RFC5: variants seen among roughly 807,000 people sequenced by gnomAD.
The protein encoded by RFC5 is replication factor C subunit 5, also known as A1 36 kDa subunit.
Under a neutral mutation model 44.3 loss-of-function variants are expected in RFC5, and 26 were observed. The ratio of observed to expected loss-of-function variants is 0.59; its 90% CI spans 0.43 to 0.81. The LOEUF (loss-of-function observed/expected upper bound fraction) is 0.81. RFC5 is among the 40% of genes least tolerant of loss of function. RFC5 has a pLI of 0.00. For missense variants in RFC5, 328 were observed against 418.6 expected (o/e 0.78, Z 1.89); for synonymous variants, 155 against 155.2 (o/e 1.00, Z 0.01).
chr12:118,034,205 C>T (rs769717186), downstream of RFC5: 13 of 1,614,170 alleles, frequency 8.1e-6, no homozygotes, highest in Non-Finnish European at 1.1e-5. Context: ...CTTAAAAAGT[C>T]CTGTATGTGA....
At chr12:118,027,118 G>A in intron 8 of RFC5, 100 bp downstream of exon 8, 2 of 1,231,678 alleles carry the variant, frequency 1.6e-6, no homozygotes, top group Non-Finnish European at 2.3e-6. Context: ...AGGATGACTG[G>A]CTGCAGGCGA....
intron 5 of RFC5, 140 bp downstream of exon 5, chr12:118,022,499 C>G (rs2030583370): frequency 9.8e-6 from 6 of 614,182 alleles, no homozygotes; most frequent in Non-Finnish European, 1.7e-5. Context: ...GAGTCTTGCT[C>G]TGTCACCCAG....
At chr12:118,030,769 G>A (rs2031262837) in intron 10 of RFC5, among the ~76,000 whole-genome samples, 1 of 152,162 alleles carries the variant, frequency 6.6e-6, no homozygotes, top group South Asian at 2.1e-4. Context: ...CTCCTGAGGA[G>A]CTGGGATTAC....
At chr12:118,021,105 A>G (rs2030455403) in intron 4 of RFC5, 120 bp downstream of exon 4, 1 of 587,470 alleles carries the variant, frequency 1.7e-6, no homozygotes, top group East Asian at 2.9e-5. Flanking sequence ...GACTTTGTCC[A>G]AAGCAACCAT....
rs1472737543 is a variant in RFC5, at chr12:118,031,734, G to A, written c.*456G>A. Reference sequence around the variant, plus strand: ...GTGTCTGTATCTAATTTAAACAGATGTTAATGGACGTCTGGCCGAAACTAT... The same window carrying A: ...GTGTCTGTATCTAATTTAAACAGATATTAATGGACGTCTGGCCGAAACTAT... On this transcript the variant is annotated 3_prime_UTR_variant, in exon 11 of 11. Transcript: ENST00000454402. 1 of 152,192 alleles carries A rather than the reference G, an allele frequency of 6.6e-6. No homozygotes were observed. Among genetic ancestry groups the A allele is most frequent in the Non-Finnish European group, 1.5e-5 (1 of 68,076 alleles). 9.4% of individuals were successfully genotyped at this position (152,192 alleles called of 1,614,324 possible).
chr12:118,017,850 A>G (rs1232025216), intron 1 of RFC5: 7 of 672,040 alleles, frequency 1.0e-5, no homozygotes, highest in Middle Eastern at 2.4e-4. Flanking sequence ...ACCATTTTAA[A>G]ATGTACAATT....
At position 118,019,061 on chromosome 12, in the gene RFC5, T is replaced by C. The variant is rs1566120288; in HGVS notation, c.66-11T>C. 6.3e-7 allele frequency: 1 copy of C among 1,584,730 alleles called. No individual in the cohort carries two copies. Among genetic ancestry groups the C allele is most frequent in the Non-Finnish European group, 8.7e-7 (1 of 1,153,450 alleles). ...TATATATGTCATAATACATACTAAA[T>C]TGTATTTCAGGGTTGAAAAATACCG... On this transcript the variant is annotated splice_polypyrimidine_tract_variant and intron_variant, in intron 1 of 10. Transcript: ENST00000454402. This position sits in a 1 kb window ranked among gnomAD's most constrained non-coding sequence, Gnocchi z 4.2.
intron 7 of RFC5, among the ~76,000 whole-genome samples, chr12:118,026,383 G>A (rs1224654741): frequency 6.6e-6 from 1 of 152,058 alleles, no homozygotes; most frequent in African/African-American, 2.4e-5. Context: ...GAGGTGGATT[G>A]CCTGAGCCCA....
In RFC5 at chr12:118,019,882, A is replaced by G; in HGVS notation, c.267+114A>G. 1 of 833,004 alleles carries G rather than the reference A, an allele frequency of 1.2e-6. No individual in the cohort carries two copies. Among genetic ancestry groups the G allele is most frequent in the East Asian group, 2.6e-5 (1 of 38,424 alleles). The allele number at this position is 833,004 out of a possible 1,614,324, so 51.6% of individuals were successfully genotyped here. ...TAAGTTGCCCCACGGACAGTTAGGAAAGAAGTAAATTTGAATATTTTAATT... is the reference window on the plus strand; with the variant it reads ...TAAGTTGCCCCACGGACAGTTAGGAGAGAAGTAAATTTGAATATTTTAATT... On this transcript the variant is annotated intron_variant, in intron 3 of 10. Coordinates refer to ENST00000454402, the MANE Select transcript of RFC5 (RefSeq NM_007370.7). The surrounding 1 kb of genome is among the most constrained non-coding windows in gnomAD (Gnocchi z 4.2).
chr12:118,027,488 A>G (rs1166572277), intron 8 of RFC5: 1 of 159,298 alleles, frequency 6.3e-6, no homozygotes, highest in Non-Finnish European at 1.4e-5. Context: ...CCTGGCCAAC[A>G]TGGCGAAACC....
Position 118,019,558 on chromosome 12 carries a change from C to G in RFC5, c.131-74C>G. 1 of 1,566,218 alleles carries G rather than the reference C, an allele frequency of 6.4e-7. No individual in the cohort carries two copies. The highest frequency in any genetic ancestry group is 1.1e-5 in the South Asian group (1 of 88,594). ...TGAATTGGGTTGAAGAGCTTTCAGC[C>G]CAACTCAGGAGCCCAGGGTGAATGA... On this transcript the variant is annotated intron_variant, in intron 2 of 10. Transcript: ENST00000454402. This position sits in a 1 kb window ranked among gnomAD's most constrained non-coding sequence, Gnocchi z 4.2.
chr12:118,021,641 A>G (rs1566122456), intron 4 of RFC5, among the ~76,000 whole-genome samples: 2 of 140,854 alleles, frequency 1.4e-5, no homozygotes, highest in Non-Finnish European at 3.1e-5. Flanking sequence ...GATGGTGGCT[A>G]AAAAAAAAAA....
At chr12:118,018,107 G>C (rs2393375) in intron 1 of RFC5, 478,941 of 672,452 alleles carry the variant, frequency 0.71, 171,783 homozygotes, top group East Asian at 0.83. Context: ...TTTCACTCAG[G>C]ATCATGTTTT....
chr12:118,017,748 G>A (rs2030193624), intron 1 of RFC5: 1 of 662,856 alleles, frequency 1.5e-6, no homozygotes, highest in Non-Finnish European at 2.7e-6. Context: ...ACAGCTCAGT[G>A]TAACCTCAAA....
chr12:118,017,723 C>T (rs1484857208), intron 1 of RFC5: 5 of 701,904 alleles, frequency 7.1e-6, no homozygotes, highest in East Asian at 8.1e-5. Context: ...CATGCTGGAG[C>T]GCAGTGGTGT....
At chr12:118,030,292 A>G (rs2031231559) in intron 10 of RFC5, among the ~76,000 whole-genome samples, 1 of 152,218 alleles carries the variant, frequency 6.6e-6, no homozygotes, top group South Asian at 2.1e-4. Flanking sequence ...CATTGGGTTC[A>G]ACATAGACGT....
At chr12:118,038,416 G>C in the RFC5 span, 1 of 1,606,062 alleles carries the variant, frequency 6.2e-7, no homozygotes, top group South Asian at 1.1e-5. Flanking sequence ...CAAACAATGA[G>C]CCAGTCCTCA....
chr12:118,028,958 C>T (rs773951770), intron 9 of RFC5, among the ~76,000 whole-genome samples: 13 of 152,214 alleles, frequency 8.5e-5, no homozygotes, highest in Non-Finnish European at 1.6e-4. Context: ...GAGACTTAAC[C>T]GGGTCAATGA....
Position 118,019,788 on chromosome 12 carries a change from C to T in RFC5, c.267+20C>T. 1 of 1,601,302 alleles carries T rather than the reference C, an allele frequency of 6.2e-7. No individual in the cohort carries two copies. ...TTGGAGGTAAATAAGATTGTTCTTA[C>T]TCTACAAATAACTTAAGAGACTCCA... is the stretch of plus-strand genomic sequence containing the variant. On this transcript the variant is annotated intron_variant, in intron 3 of 10. Coordinates refer to ENST00000454402, the MANE Select transcript of RFC5 (RefSeq NM_007370.7). The surrounding 1 kb of genome is among the most constrained non-coding windows in gnomAD (Gnocchi z 4.2).
Sources: allele counts gnomAD v4.1 joint callset (sites outside exome capture counted in the v4.1 genomes callset), GRCh38; gene constraint gnomAD v4.1.1; non-coding constraint Gnocchi (gnomAD v3.1); transcripts MANE v1.5; gene names NCBI Gene and HGNC (gene_info 2026-07-23, HGNC 2026-07-21).